The following CHMP1A variants were observed in gnomAD, a reference collection of about 807,000 sequenced individuals.
CHMP1A encodes VPS46 homolog A.
In CHMP1A, 17 loss-of-function variants were observed where a neutral mutation model predicts 27.0. The ratio of observed to expected loss-of-function variants is 0.63; its 90% confidence interval spans 0.43 to 0.95. The LOEUF is 0.95. Among genes scored for constraint, CHMP1A ranks in the 40% least tolerant of loss-of-function variants. The pLI, the probability that CHMP1A is intolerant of heterozygous loss-of-function variation, is 0.00. For missense variants in CHMP1A, 275 were observed against 264.0 expected, an observed-to-expected ratio of 1.04 and a Z score of -0.29; for synonymous variants, 131 against 107.5, an observed-to-expected ratio of 1.22 and a Z score of -1.35.
At chr16:89,649,239 C>G in intron 4 of CHMP1A, 112 bp downstream of exon 4, 2 of 1,293,950 alleles carry the variant, frequency 1.5e-6, no homozygotes, top group South Asian at 3.1e-5. Context: ...CTCCCCACCC[C>G]GCGCTGATCC....
intron 2 of CHMP1A, among the ~76,000 whole-genome samples, chr16:89,652,695 G>C (rs554147960): frequency 1.1e-4 from 16 of 152,288 alleles, no homozygotes; most frequent in African/African-American, 2.9e-4. Context: ...GGCCTCAGCC[G>C]GTCCCCTCTG....
chr16:89,648,826 G>A (rs2059801202), intron 4 of CHMP1A, among the ~76,000 whole-genome samples: 1 of 100,282 alleles, frequency 1.0e-5, no homozygotes, highest in Non-Finnish European at 2.1e-5. Flanking sequence ...AGGAGGTTGA[G>A]ACCAGAGTGG....
chr16:89,655,774 C>T (rs1308829635), intron 1 of CHMP1A, among the ~76,000 whole-genome samples: 3 of 152,116 alleles, frequency 2.0e-5, no homozygotes, highest in Non-Finnish European at 2.9e-5. Context: ...TACACGTGCA[C>T]GCCACCAGGC....
In CHMP1A at chr16:89,657,440, G is replaced by A. The variant is rs942495708; in HGVS notation, c.7+142C>T. 6.1e-6 allele frequency: 6 copies of A among 989,650 alleles called. No individual in the cohort carries two copies. In the African/African-American group the frequency reaches 6.9e-5, roughly 11 times the overall value. 61.3% of individuals were successfully genotyped at this position (989,650 alleles called of 1,614,324 possible). A position where few individuals can be genotyped will look rare whatever the true frequency, so the allele number is the denominator to read the frequency against. On this transcript the variant is annotated intron_variant, in intron 1 of 6. Transcript: ENST00000397901. ...CCAGGTCGGTGGTCGAGGCCCTGGG[G>A]ATGGGGTCCCGGGGGATCGACGGTC... is the stretch of plus-strand genomic sequence containing the variant.
Position 89,649,802 on chromosome 16 carries a change from T to G in CHMP1A, c.106-305A>C, listed in dbSNP as rs549011728. On this transcript the variant is annotated intron_variant, in intron 3 of 6. Transcript: ENST00000397901. ...CGTGTTAGCCAGGATGGCCTCGATC[T>G]CCTGACCTCGTGATCTGCCCGCCTC... is the stretch of plus-strand genomic sequence containing the variant. Among the ~76,000 whole-genome samples the G allele has an allele frequency of 5.1e-4, 78 of 152,278 alleles. 2 individuals are homozygous for G. The highest frequency in any genetic ancestry group is 1.2e-3 in the East Asian group (6 of 5,184).
intron 1 of CHMP1A, among the ~76,000 whole-genome samples, chr16:89,656,338 T>C (rs936905280): frequency 4.6e-5 from 7 of 151,860 alleles, no homozygotes; most frequent in African/African-American, 1.5e-4. Flanking sequence ...GGGGTTTCAC[T>C]GTGTTAGCCA....
chr16:89,647,640 C>A, intron 4 of CHMP1A, among the ~76,000 whole-genome samples: 1 of 72,080 alleles, frequency 1.4e-5, no homozygotes, highest in East Asian at 4.0e-4. Flanking sequence ...AAAAGGCCGC[C>A]GACGTGGGGA....
At chr16:89,647,113 C>T in intron 5 of CHMP1A, 90 bp downstream of exon 5, 3 of 1,547,668 alleles carry the variant, frequency 1.9e-6, no homozygotes, top group Non-Finnish European at 2.6e-6. Flanking sequence ...GCAGAGACAG[C>T]ACGTCAGCCT....
intron 1 of CHMP1A, among the ~76,000 whole-genome samples, chr16:89,654,717 C>A: frequency 6.6e-6 from 1 of 152,012 alleles, no homozygotes; most frequent in Non-Finnish European, 1.5e-5. Context: ...CCGAGGCCGG[C>A]GGAACATGAG....
At chr16:89,657,387 C>T (rs1300669111) in intron 1 of CHMP1A, among the ~76,000 whole-genome samples, 195 bp downstream of exon 1, 1 of 146,302 alleles carries the variant, frequency 6.8e-6, no homozygotes, top group African/African-American at 2.5e-5. Context: ...GGTCGGGGAT[C>T]GGGGGACGAC....
intron 4 of CHMP1A, among the ~76,000 whole-genome samples, chr16:89,647,817 G>C (rs1343164599): frequency 1.8e-4 from 1 of 5,696 alleles, no homozygotes; most frequent in African/African-American, 5.8e-4. Flanking sequence ...CCGACGTGGG[G>C]ACCCAGCGCG....
chr16:89,657,098 C>G (rs1273305094), intron 1 of CHMP1A, among the ~76,000 whole-genome samples: 1 of 84,508 alleles, frequency 1.2e-5, no homozygotes, highest in East Asian at 3.5e-4. Flanking sequence ...GGTCGAGGGT[C>G]GAGGCCCGGG....
intron 4 of CHMP1A, 170 bp downstream of exon 4, chr16:89,649,181 A>C: frequency 4.0e-6 from 1 of 248,418 alleles, no homozygotes; most frequent in South Asian, 5.5e-5. Flanking sequence ...CCCCACGCTG[A>C]TCCAGCCCTC....
At chr16:89,657,192 C>T (rs575707635) in intron 1 of CHMP1A, among the ~76,000 whole-genome samples, 1 of 123,556 alleles carries the variant, frequency 8.1e-6, no homozygotes, top group South Asian at 2.7e-4. Context: ...GAAGGGGTCC[C>T]GGGTCGGTGG....
At position 89,648,815 on chromosome 16, in the gene CHMP1A, C is replaced by G. The variant is rs1215775557; in HGVS notation, c.252+536G>C. Among the ~76,000 whole-genome samples the G allele has an allele frequency of 3.0e-5, 3 of 99,852 alleles. No homozygotes were observed. In the East Asian group the frequency reaches 8.3e-4, roughly 28 times the overall value. The allele number at this position is 99,852 out of a possible 152,430, so 65.5% of individuals were successfully genotyped here. A position where few individuals can be genotyped will look rare whatever the true frequency, so the allele number is the denominator to read the frequency against. On this transcript the variant is annotated intron_variant, in intron 4 of 6. Transcript: ENST00000397901. ...CTGAGGCAGGAGGATCGCTTGAGCC[C>G]AGGAGGTTGAGACCAGAGTGGCCAA...
intron 1 of CHMP1A, among the ~76,000 whole-genome samples, chr16:89,655,631 C>CTT (rs144330644): frequency 2.1e-4 from 31 of 148,008 alleles, no homozygotes; most frequent in Non-Finnish European, 2.7e-4. Context: ...CACAATTTTT[C>CTT]TTTTTTTTTT....
rs2059778778 is a variant in CHMP1A at position 89,646,949 on chromosome 16, C to T, written c.382-235G>A. On this transcript the variant is annotated intron_variant, in intron 5 of 6. Coordinates refer to ENST00000397901, the MANE Select transcript of CHMP1A (RefSeq NM_002768.5). ...GCTGCCGCGGGTGGACATCTTTCCA[C>T]ACCTCTGCATGCTTGTCTGCCATCC... The T allele has an allele frequency of 2.4e-6, 3 of 1,227,294 alleles. No homozygotes were observed. The South Asian group carries it at 4.3e-5, about 18-fold the overall frequency. The allele number at this position is 1,227,294 out of a possible 1,614,324, so 76.0% of individuals were successfully genotyped here.
Position 89,654,029 on chromosome 16 carries a change from C to T in CHMP1A, c.8-106G>A, listed in dbSNP as rs981032595. 5 of 1,206,164 alleles carry T rather than the reference C, an allele frequency of 4.1e-6. No individual in the cohort carries two copies. In the African/African-American group the frequency reaches 4.5e-5, roughly 11 times the overall value. The allele number at this position is 1,206,164 out of a possible 1,614,324, so 74.7% of individuals were successfully genotyped here. A position where few individuals can be genotyped will look rare whatever the true frequency, so the allele number is the denominator to read the frequency against. ...CTTCTAGACACCAGGAGCTAGAACA[C>T]ACACACAGACCACACCTGCCTGGGG... On this transcript the variant is annotated intron_variant, in intron 1 of 6. Transcript: ENST00000397901.
intron 1 of CHMP1A, among the ~76,000 whole-genome samples, chr16:89,656,209 T>A (rs1016807103): frequency 6.6e-6 from 1 of 152,156 alleles, no homozygotes; most frequent in African/African-American, 2.4e-5. Context: ...CGATCTCGGC[T>A]CACTGCAAGC....
Sources: gnomAD v4.1 joint callset for allele counts (sites outside exome capture counted in the v4.1 genomes callset) on GRCh38, gnomAD v4.1.1 for gene constraint, MANE v1.5 for transcripts, NCBI Gene and HGNC (gene_info 2026-07-23, HGNC 2026-07-21) for gene names.